CADM2: variants seen among roughly 807,000 people sequenced by gnomAD.
CADM2 encodes the protein immunoglobulin superfamily member 4D.
CADM2 carries 12 observed loss-of-function variants against 49.8 expected under a neutral mutation model. That is an observed-to-expected ratio of 0.24 (90% CI 0.15 to 0.39). The LOEUF is 0.39. Among genes scored for constraint, CADM2 ranks in the 10% least tolerant of loss-of-function variants. The pLI, the probability that CADM2 is intolerant of heterozygous loss-of-function variation, is 1.00. For synonymous variants in CADM2, 214 were observed against 175.4 expected (o/e 1.22, Z -1.74); for missense variants, 378 against 492.3 (o/e 0.77, Z 2.20).
intron 8 of CADM2, among the ~76,000 whole-genome samples, chr3:86,019,764 T>A (rs909569657): frequency 0.011 from 1,605 of 152,210 alleles, 23 homozygotes; most frequent in Middle Eastern, 0.068. Flanking sequence ...CTTATCAGCT[T>A]AAGGAGATTT....
chr3:85,921,992 A>G (rs1719179150), intron 6 of CADM2, among the ~76,000 whole-genome samples: 1 of 152,120 alleles, frequency 6.6e-6, no homozygotes, highest in African/African-American at 2.4e-5. Flanking sequence ...TTTCACCAGT[A>G]CCTTACTGTT....
At chr3:85,989,478 G>A (rs1728500563) in intron 8 of CADM2, among the ~76,000 whole-genome samples, 1 of 152,004 alleles carries the variant, frequency 6.6e-6, no homozygotes, top group Admixed American at 6.6e-5. Context: ...CCTTTCAATA[G>A]GATATTCTGT....
chr3:85,784,585 G>A (rs1187251060), intron 2 of CADM2, among the ~76,000 whole-genome samples: 1 of 135,222 alleles, frequency 7.4e-6, no homozygotes, highest in African/African-American at 3.5e-5. Context: ...TATCTAACAC[G>A]TTTGGTTTCA....
chr3:86,053,203 T>C (rs1158417424), intron 8 of CADM2, among the ~76,000 whole-genome samples: 2 of 152,212 alleles, frequency 1.3e-5, no homozygotes, highest in Non-Finnish European at 1.5e-5. Context: ...TTGGTTTCTG[T>C]AATACAATAT....
chr3:85,451,127 A>G (rs2037730001), intron 1 of CADM2, among the ~76,000 whole-genome samples: 1 of 152,064 alleles, frequency 6.6e-6, no homozygotes, highest in Non-Finnish European at 1.5e-5. Context: ...AAATGTTTAT[A>G]TTTTATTCAC....
chr3:85,522,084 T>C (rs1559884454), intron 1 of CADM2, among the ~76,000 whole-genome samples: 1 of 152,156 alleles, frequency 6.6e-6, no homozygotes, highest in East Asian at 1.9e-4. Flanking sequence ...TGTAGAAGTC[T>C]TAGCTATTTC....
chr3:84,993,590 G>T (rs2033013837), intron 1 of CADM2, among the ~76,000 whole-genome samples: 1 of 152,056 alleles, frequency 6.6e-6, no homozygotes, highest in African/African-American at 2.4e-5. Context: ...AAGTCAAAAG[G>T]GTTTGTTTTT....
chr3:85,613,579 C>T lies in CADM2; in HGVS notation c.62-112943C>T, dbSNP rs570721476. On this transcript the variant is annotated intron_variant, in intron 1 of 9. Coordinates refer to ENST00000383699, the MANE Select transcript of CADM2 (RefSeq NM_001167675.2). The stretch of plus-strand genomic sequence containing the variant: ...TTAATGATCACGATACCAGGGTTCA[C>T]GAGGCAGAATTTTGATTTTCTTTTG... Among the ~76,000 whole-genome samples the T allele has an allele frequency of 2.2e-4, 34 of 151,444 alleles. No homozygotes were observed. In the South Asian group the frequency reaches 6.6e-3, roughly 30 times the overall value.
At chr3:85,212,816 TTCTTTCTTTCTTTC>T (rs2041812233) in intron 1 of CADM2, among the ~76,000 whole-genome samples, 3 of 35,886 alleles carry the variant, frequency 8.4e-5, no homozygotes, top group Admixed American at 7.0e-4. Flanking sequence ...TTTCTTCTCT[TTCTTTCTTTCTTTC>T]TTTCTTTCTT....
intron 1 of CADM2, among the ~76,000 whole-genome samples, chr3:85,501,530 C>T (rs764900804): frequency 3.3e-5 from 5 of 151,934 alleles, no homozygotes; most frequent in African/African-American, 9.7e-5. Flanking sequence ...AGAGACCTAA[C>T]GTTGTATGAA....
At chr3:85,411,698 C>T (rs2035664365) in intron 1 of CADM2, among the ~76,000 whole-genome samples, 1 of 152,130 alleles carries the variant, frequency 6.6e-6, no homozygotes, top group Non-Finnish European at 1.5e-5. Flanking sequence ...TTTAAAAACA[C>T]CACCAAGGTT....
At chr3:85,974,779 T>C (rs1165007143) in intron 8 of CADM2, among the ~76,000 whole-genome samples, 1 of 151,684 alleles carries the variant, frequency 6.6e-6, no homozygotes, top group East Asian at 1.9e-4. Flanking sequence ...AGTTAGACTG[T>C]CTGCACAATT....
intron 1 of CADM2, among the ~76,000 whole-genome samples, chr3:85,134,829 T>G (rs922469155): frequency 4.6e-5 from 7 of 152,074 alleles, no homozygotes; most frequent in Admixed American, 3.3e-4. Context: ...TTATTTAATT[T>G]TAATGAAACT....
At chr3:85,709,168 G>C (rs1203471713) in intron 1 of CADM2, among the ~76,000 whole-genome samples, 2 of 151,998 alleles carry the variant, frequency 1.3e-5, no homozygotes, top group African/African-American at 4.8e-5. Flanking sequence ...TTTTCAACTT[G>C]GCTTTTAAGT....
chr3:85,032,149 A>T (rs2035016264), intron 1 of CADM2, among the ~76,000 whole-genome samples: 1 of 152,158 alleles, frequency 6.6e-6, no homozygotes. Flanking sequence ...TTAGGGTACA[A>T]ATAAATAAGT....
chr3:85,296,556 T>C (rs2043969538), intron 1 of CADM2, among the ~76,000 whole-genome samples: 1 of 152,042 alleles, frequency 6.6e-6, no homozygotes, highest in Admixed American at 6.6e-5. Context: ...CCACTACAAA[T>C]TCTGCTACAT....
At chr3:85,311,569 G>A (rs2044345112) in intron 1 of CADM2, among the ~76,000 whole-genome samples, 1 of 151,738 alleles carries the variant, frequency 6.6e-6, no homozygotes, top group Non-Finnish European at 1.5e-5. Context: ...GTAGAAACGG[G>A]GTTTCACCGT....
At chr3:85,050,055 T>C (rs2035823408) in intron 1 of CADM2, among the ~76,000 whole-genome samples, 1 of 151,892 alleles carries the variant, frequency 6.6e-6, no homozygotes, top group African/African-American at 2.4e-5. Context: ...CAATATAATC[T>C]TTATGGGGAC....
intron 1 of CADM2, among the ~76,000 whole-genome samples, chr3:85,389,051 T>C (rs944230017): frequency 6.6e-6 from 1 of 152,136 alleles, no homozygotes; most frequent in Non-Finnish European, 1.5e-5. Flanking sequence ...CTTATTGGGT[T>C]ATATTTAAAA....
Sources: gnomAD v4.1 joint callset for allele counts (sites outside exome capture counted in the v4.1 genomes callset) on GRCh38, gnomAD v4.1.1 for gene constraint, MANE v1.5 for transcripts, NCBI Gene and HGNC (gene_info 2026-07-23, HGNC 2026-07-21) for gene names.